The following POLR3H variants were observed in gnomAD, a reference collection of about 807,000 sequenced individuals.
The protein encoded by POLR3H is RNA polymerase III subunit H.
POLR3H carries 17 observed loss-of-function variants against 25.5 expected under a neutral mutation model. That is an observed-to-expected ratio of 0.67 (90% CI 0.46 to 1.00). The LOEUF (loss-of-function observed/expected upper bound fraction) is 1.00, where lower values mean the gene tolerates loss of function less well. POLR3H is among the 50% of genes least tolerant of loss of function. The pLI is 0.00. For missense variants in POLR3H, 274 were observed against 265.0 expected (o/e 1.03, Z -0.24); for synonymous variants, 129 against 103.0 (o/e 1.25, Z -1.53).
intron 1 of POLR3H, among the ~76,000 whole-genome samples, chr22:41,543,247 G>A (rs1310993465): frequency 6.6e-6 from 1 of 152,214 alleles, no homozygotes; most frequent in East Asian, 1.9e-4. Flanking sequence ...ACAGCACAGA[G>A]AAGGCGCACA....
At chr22:41,529,751 CTTTTTTTTGTTGT>C in intron 5 of POLR3H, 3 of 450,410 alleles carry the variant, frequency 6.7e-6, no homozygotes, top group South Asian at 5.0e-5. Context: ...GGAGCCCTAC[CTTTTTTTTGTTGT>C]TTTTTTTTTT....
At chr22:41,536,953 C>A (rs2066859178) in intron 2 of POLR3H, among the ~76,000 whole-genome samples, 1 of 149,280 alleles carries the variant, frequency 6.7e-6, no homozygotes, top group South Asian at 2.1e-4. Flanking sequence ...GCCCGATTTG[C>A]AAATCAATAT....
chr22:41,528,714 T>G lies in POLR3H; in HGVS notation c.*569A>C. 6.7e-7 allele frequency: 1 copy of G among 1,486,690 alleles called. No individual in the cohort carries two copies. The highest frequency in any genetic ancestry group is 9.0e-7 in the Non-Finnish European group (1 of 1,110,360). 92.1% of individuals were successfully genotyped at this position (1,486,690 alleles called of 1,614,324 possible). On this transcript the variant is annotated 3_prime_UTR_variant, in exon 6 of 6. Coordinates refer to ENST00000355209, the MANE Select transcript of POLR3H (RefSeq NM_001018050.4). ...GCCATGGCTTCCTATTCCAAGATGG[T>G]GTGACCAGACATGCTTCCTGCTCCC...
At chr22:41,533,589 G>C in intron 2 of POLR3H, 2 of 1,298,670 alleles carry the variant, frequency 1.5e-6, no homozygotes, top group South Asian at 2.5e-5. Context: ...AGGCTTCCAC[G>C]ATGCCGTCAA....
intron 2 of POLR3H, 67 bp from the exon 3 acceptor site, chr22:41,532,812 G>C: frequency 6.4e-7 from 1 of 1,559,702 alleles, no homozygotes; most frequent in South Asian, 1.2e-5. Context: ...GTCACCCTCA[G>C]GTGCCAGCAC....
chr22:41,526,023 C>T lies in POLR3H; in HGVS notation c.*3260G>A, dbSNP rs1389344902. 1 of 455,372 alleles carries T rather than the reference C, an allele frequency of 2.2e-6. No individual in the cohort carries two copies. The highest frequency in any genetic ancestry group is 3.9e-6 in the Non-Finnish European group (1 of 255,068). 28.2% of individuals were successfully genotyped at this position (455,372 alleles called of 1,614,324 possible). ...CTGTCCCAACTTTGGGCGGCCTCTG[C>T]CCCATAAGGGAGACTGAGCAGCCAG... On this transcript the variant is annotated 3_prime_UTR_variant, in exon 6 of 6. Coordinates refer to ENST00000355209, the MANE Select transcript of POLR3H (RefSeq NM_001018050.4).
chr22:41,531,025 C>A lies in POLR3H; in HGVS notation c.360-137G>T, dbSNP rs1354397624. ...GGGAAGTCACAGGAAAAGCAGGTCC[C>A]AGCCCCATGCACAAGGCCTGGGCCA... On this transcript the variant is annotated intron_variant, in intron 4 of 5. Coordinates refer to ENST00000355209, the MANE Select transcript of POLR3H (RefSeq NM_001018050.4). The A allele has an allele frequency of 6.3e-6, 5 of 799,242 alleles. No individual in the cohort carries two copies. The East Asian group carries it at 1.3e-4, about 21-fold the overall frequency. 49.5% of individuals were successfully genotyped at this position (799,242 alleles called of 1,614,324 possible).
At chr22:41,538,394 G>A (rs1307281541) in intron 2 of POLR3H, among the ~76,000 whole-genome samples, 1 of 152,092 alleles carries the variant, frequency 6.6e-6, no homozygotes, top group African/African-American at 2.4e-5. Context: ...CCAAAGTGCT[G>A]GGATTACAGA....
At chr22:41,532,784 G>A in intron 2 of POLR3H, 39 bp from the exon 3 acceptor site, 11 of 1,600,418 alleles carry the variant, frequency 6.9e-6, no homozygotes, top group Non-Finnish European at 9.4e-6. Flanking sequence ...GCTGACCGGG[G>A]CCCCAGTGCG....
rs2066602901 is a variant in POLR3H, at chr22:41,526,633, C to A, written c.*2650G>T. On this transcript the variant is annotated 3_prime_UTR_variant, in exon 6 of 6. Coordinates refer to ENST00000355209, the MANE Select transcript of POLR3H (RefSeq NM_001018050.4). The stretch of plus-strand genomic sequence containing the variant: ...TCCCTGTGGCTGAGAAGGCATGAGG[C>A]CCAGGTCCGGTGGTACAGCCGGGTC... 5.0e-6 allele frequency: 3 copies of A among 594,812 alleles called. No individual in the cohort carries two copies. The highest frequency in any genetic ancestry group is 5.6e-5 in the South Asian group (2 of 36,024). 36.8% of individuals were successfully genotyped at this position (594,812 alleles called of 1,614,324 possible).
In POLR3H at chr22:41,529,235, C is replaced by G; in HGVS notation, c.*48G>C. ...AGCTGCTGTTGTCTTCACAGCCGGC[C>G]ATACCACCTTCCCGCAGGCTGGTAG... On this transcript the variant is annotated 3_prime_UTR_variant, in exon 6 of 6. Coordinates refer to ENST00000355209, the MANE Select transcript of POLR3H (RefSeq NM_001018050.4). 6.5e-7 allele frequency: 1 copy of G among 1,545,324 alleles called. No individual in the cohort carries two copies. The highest frequency in any genetic ancestry group is 1.1e-5 in the South Asian group (1 of 88,580).
intron 2 of POLR3H, chr22:41,539,660 T>C (rs2066900190): frequency 6.6e-6 from 1 of 152,244 alleles, no homozygotes; most frequent in Admixed American, 6.5e-5. Context: ...GCCAACGGGA[T>C]GGAAGCAGAG....
intron 2 of POLR3H, among the ~76,000 whole-genome samples, chr22:41,534,742 A>C (rs952511071): frequency 3.0e-4 from 45 of 151,968 alleles, no homozygotes; most frequent in African/African-American, 1.1e-3. Context: ...AAAAATACAA[A>C]AATTAGCCAG....
At position 41,528,484 on chromosome 22, in the gene POLR3H, G is replaced by A. The variant is rs756738870; in HGVS notation, c.*799C>T. 1.2e-6 allele frequency: 2 copies of A among 1,612,068 alleles called. No individual in the cohort carries two copies. Among genetic ancestry groups the A allele is most frequent in the African/African-American group, 1.3e-5 (1 of 74,848 alleles). On this transcript the variant is annotated 3_prime_UTR_variant, in exon 6 of 6. Coordinates refer to ENST00000355209, the MANE Select transcript of POLR3H (RefSeq NM_001018050.4). ...CACCCACCTTCTCCTTGCAGCCCCT[G>A]AAGTGCATCATCAAGCACCCCAACG...
Position 41,528,801 on chromosome 22 carries a change from C to A in POLR3H, c.*482G>T. ...GGGTTCTTAAAATAACTTTTTAGCC[C>A]CCGTCTTCCTATTTTGAGTTTGGTT... On this transcript the variant is annotated 3_prime_UTR_variant, in exon 6 of 6. Coordinates refer to ENST00000355209, the MANE Select transcript of POLR3H (RefSeq NM_001018050.4). The A allele has an allele frequency of 1.3e-6, 1 of 750,428 alleles. No individual in the cohort carries two copies. Among genetic ancestry groups the A allele is most frequent in the Non-Finnish European group, 2.1e-6 (1 of 483,326 alleles). The allele number at this position is 750,428 out of a possible 1,614,324, so 46.5% of individuals were successfully genotyped here.
Position 41,528,852 on chromosome 22 carries a change from T to C in POLR3H, c.*431A>G. 2 of 553,466 alleles carry C rather than the reference T, an allele frequency of 3.6e-6. No individual in the cohort carries two copies. Among genetic ancestry groups the C allele is most frequent in the Non-Finnish European group, 6.3e-6 (2 of 319,196 alleles). The allele number at this position is 553,466 out of a possible 1,614,324, so 34.3% of individuals were successfully genotyped here. ...CAGATCTTAAGCAGCTCCATGCAAC[T>C]GTATTTATTTTTGATGACAAGACTC... On this transcript the variant is annotated 3_prime_UTR_variant, in exon 6 of 6. Coordinates refer to ENST00000355209, the MANE Select transcript of POLR3H (RefSeq NM_001018050.4).
Position 41,527,477 on chromosome 22 carries a change from C to G in POLR3H, c.*1806G>C. 6.4e-7 allele frequency: 1 copy of G among 1,552,970 alleles called. No homozygotes were observed. The highest frequency in any genetic ancestry group is 8.7e-7 in the Non-Finnish European group (1 of 1,151,380). ...ATCCCATCCCTAGTGATCAAGGTCA[C>G]TCTCCCTGCCCGTGGCTGAGTTGGG... On this transcript the variant is annotated 3_prime_UTR_variant, in exon 6 of 6. Coordinates refer to ENST00000355209, the MANE Select transcript of POLR3H (RefSeq NM_001018050.4).
intron 1 of POLR3H, among the ~76,000 whole-genome samples, chr22:41,541,060 A>G (rs1027725987): frequency 3.3e-5 from 5 of 152,144 alleles, no homozygotes; most frequent in Non-Finnish European, 7.4e-5. Flanking sequence ...CAAGAGGGTC[A>G]CTTCACCTCT....
chr22:41,531,010 A>G, intron 4 of POLR3H, 122 bp from the exon 5 acceptor site: 8 of 920,110 alleles, frequency 8.7e-6, no homozygotes, highest in Non-Finnish European at 1.3e-5. Context: ...GGGAAGTCAC[A>G]GGAAAAGCAG....
Sources: gnomAD v4.1 joint callset for allele counts (sites outside exome capture counted in the v4.1 genomes callset) on GRCh38, gnomAD v4.1.1 for gene constraint, MANE v1.5 for transcripts, NCBI Gene and HGNC (gene_info 2026-07-23, HGNC 2026-07-21) for gene names.